ZNF532: variants seen among roughly 807,000 people sequenced by gnomAD.
The protein encoded by ZNF532 is zinc finger protein 532.
A neutral mutation model predicts 89.3 loss-of-function variants in ZNF532; 22 were observed. The ratio of observed to expected loss-of-function variants is 0.25; its 90% CI spans 0.18 to 0.35. The LOEUF is 0.35. ZNF532 is among the 10% of genes least tolerant of loss of function. The pLI, the probability that ZNF532 is intolerant of heterozygous loss-of-function variation, is 1.00. For synonymous variants in ZNF532, 606 were observed against 649.6 expected (o/e 0.93, Z 1.02); for missense variants, 1,132 against 1,643.4 (o/e 0.69, Z 5.38).
intron 7 of ZNF532, among the ~76,000 whole-genome samples, chr18:58,959,000 A>G (rs1013089703): frequency 6.6e-6 from 1 of 152,216 alleles, no homozygotes; most frequent in Non-Finnish European, 1.5e-5. Context: ...ATTCTTAGAG[A>G]TCAAACATTC....
At chr18:58,929,499 T>C (rs1289197344) in intron 3 of ZNF532, among the ~76,000 whole-genome samples, 1 of 152,238 alleles carries the variant, frequency 6.6e-6, no homozygotes, top group African/African-American at 2.4e-5. Flanking sequence ...GCTGAAGACT[T>C]GTGACCCTTG....
chr18:58,925,763 A>T (rs1434090149), intron 3 of ZNF532, among the ~76,000 whole-genome samples: 1 of 152,154 alleles, frequency 6.6e-6, no homozygotes. Flanking sequence ...TCTGTGACTC[A>T]TTTTGAGTTG....
chr18:58,967,907 GA>G (rs2066092876), intron 7 of ZNF532, among the ~76,000 whole-genome samples: 1 of 152,312 alleles, frequency 6.6e-6, no homozygotes, highest in African/African-American at 2.4e-5. Context: ...ACATGTGTTA[GA>G]AAAAATCATT....
intron 7 of ZNF532, among the ~76,000 whole-genome samples, chr18:58,973,884 C>CA (rs757932518): frequency 6.6e-6 from 1 of 152,078 alleles, no homozygotes; most frequent in Non-Finnish European, 1.5e-5. Context: ...AAGCGAGACT[C>CA]AAAGCTTCAC....
chr18:58,905,419 A>G (rs1226397124), intron 2 of ZNF532, among the ~76,000 whole-genome samples: 1 of 82,874 alleles, frequency 1.2e-5, no homozygotes, highest in Non-Finnish European at 2.4e-5. Flanking sequence ...TTTTTTTTTT[A>G]AGACAAGGTC....
intron 5 of ZNF532, among the ~76,000 whole-genome samples, chr18:58,944,099 A>C (rs1245593552): frequency 6.6e-6 from 1 of 152,190 alleles, no homozygotes; most frequent in Admixed American, 6.5e-5. Flanking sequence ...CAGCAGTGTC[A>C]TCTACCTCAC....
Position 58,985,943 on chromosome 18 carries a change from TG to T in ZNF532, c.*1479del, listed in dbSNP as rs1402235465. The T allele has an allele frequency of 1.3e-5, 2 of 152,634 alleles. No homozygotes were observed. Among genetic ancestry groups the T allele is most frequent in the African/African-American group, 2.4e-5 (1 of 41,446 alleles). The allele number at this position is 152,634 out of a possible 1,614,324, so 9.5% of individuals were successfully genotyped here. A position where few individuals can be genotyped will look rare whatever the true frequency, so the allele number is the denominator to read the frequency against. ...CATATGTAAATAAACGTGGGACATT[TG>T]GCCCTTGTGCTTCTGTGAGAGAATT... On this transcript the variant is annotated 3_prime_UTR_variant, in exon 10 of 10. Coordinates refer to ENST00000591808, the MANE Select transcript of ZNF532 (RefSeq NM_001375912.1).
At chr18:58,960,922 G>A (rs918163811) in intron 7 of ZNF532, among the ~76,000 whole-genome samples, 4 of 152,152 alleles carry the variant, frequency 2.6e-5, no homozygotes, top group African/African-American at 9.7e-5. Context: ...AAAGTACACA[G>A]ATATTATGTG....
intron 3 of ZNF532, among the ~76,000 whole-genome samples, chr18:58,930,002 G>A (rs182374952): frequency 6.6e-6 from 1 of 152,146 alleles, no homozygotes. Flanking sequence ...TGTTAAGCTG[G>A]TATTGTTTCT....
chr18:58,918,444 G>A lies in ZNF532; in HGVS notation c.157G>A (p.Ala53Thr), dbSNP rs202198394. 3.7e-6 allele frequency: 6 copies of A among 1,614,006 alleles called. No homozygotes were observed. The highest frequency in any genetic ancestry group is 1.6e-4 in the Middle Eastern group (1 of 6,084). The change falls in exon 3 of 10, where the codon GCA becomes ACA. Residue 53 changes from alanine to threonine, a missense_variant. This residue lies in a region of ZNF532 where 302 missense variants were observed against 319.8 expected (regional missense o/e 0.94). Coordinates refer to ENST00000591808, the MANE Select transcript of ZNF532 (RefSeq NM_001375912.1). ...TGCTCACGGAGAGGATGACTCCCAC[G>A]CACCATCATCTTCTGATGTGGGTGT... ...QNAHGEDDSHAPSSSDVGVSV... is the reference protein window; with the variant it reads ...QNAHGEDDSHTPSSSDVGVSV...
intron 3 of ZNF532, among the ~76,000 whole-genome samples, chr18:58,928,324 C>T (rs750501496): frequency 2.0e-5 from 3 of 152,192 alleles, no homozygotes; most frequent in Non-Finnish European, 2.9e-5. Flanking sequence ...CTGCCAGTTG[C>T]TGCTGCCCCT....
chr18:58,901,435 G>C (rs1180058205), intron 2 of ZNF532, among the ~76,000 whole-genome samples: 1 of 152,142 alleles, frequency 6.6e-6, no homozygotes, highest in Non-Finnish European at 1.5e-5. Context: ...GAGTCGCCTT[G>C]GGGAGCTGAG....
chr18:58,926,373 T>C (rs1603173579), intron 3 of ZNF532: 1 of 152,286 alleles, frequency 6.6e-6, no homozygotes, highest in Non-Finnish European at 1.5e-5. Context: ...GTTTCGCTCT[T>C]GTTGCCCAGG....
At chr18:58,961,245 C>T (rs2065317361) in intron 7 of ZNF532, among the ~76,000 whole-genome samples, 1 of 152,198 alleles carries the variant, frequency 6.6e-6, no homozygotes, top group Non-Finnish European at 1.5e-5. Flanking sequence ...TGATGCTGCT[C>T]ATCTTGGGAC....
intron 5 of ZNF532, among the ~76,000 whole-genome samples, chr18:58,946,291 GTTTT>G (rs58395180): frequency 1.5e-4 from 17 of 116,524 alleles, no homozygotes; most frequent in Non-Finnish European, 2.8e-4. Flanking sequence ...TCTTCATATA[GTTTT>G]TTTTTTTTTT....
chr18:58,916,806 C>A, intron 2 of ZNF532: 3 of 819,322 alleles, frequency 3.7e-6, no homozygotes, highest in Non-Finnish European at 4.4e-6. Flanking sequence ...TGTGTATTCT[C>A]ACTGAGTAGA....
At chr18:58,876,049 C>T (rs2057400895) in intron 2 of ZNF532, among the ~76,000 whole-genome samples, 1 of 151,562 alleles carries the variant, frequency 6.6e-6, no homozygotes, top group South Asian at 2.1e-4. Flanking sequence ...TCTCCTGCCT[C>T]AGCCTCCCGA....
intron 2 of ZNF532, among the ~76,000 whole-genome samples, chr18:58,915,911 C>G (rs896742469): frequency 5.3e-5 from 8 of 152,162 alleles, no homozygotes. Flanking sequence ...TTTTGCTCAC[C>G]AAAGTCATAA....
intron 2 of ZNF532, among the ~76,000 whole-genome samples, chr18:58,872,944 C>T (rs2057118936): frequency 6.6e-6 from 1 of 152,046 alleles, no homozygotes; most frequent in Non-Finnish European, 1.5e-5. Context: ...GTGGTCTGCC[C>T]ACCTTGGCCT....
Sources: gnomAD v4.1 joint callset for allele counts (sites outside exome capture counted in the v4.1 genomes callset) on GRCh38, gnomAD v4.1.1 for gene constraint, gnomAD v4.1.1 regional missense constraint, MANE v1.5 for transcripts, NCBI Gene and HGNC (gene_info 2026-07-23, HGNC 2026-07-21) for gene names.